The following DLG2 variants were observed in gnomAD, a reference collection of about 807,000 sequenced individuals.
The protein encoded by DLG2 is disks large homolog 2.
A neutral mutation model predicts 132.5 loss-of-function variants in DLG2; 45 were observed. The ratio of observed to expected loss-of-function variants is 0.34; its 90% CI spans 0.27 to 0.44. The LOEUF (loss-of-function observed/expected upper bound fraction) is 0.44, where lower values mean the gene tolerates loss of function less well. Ranked by LOEUF, DLG2 falls within the 20% of genes least tolerant of loss-of-function variation. The pLI is 1.00. For synonymous variants in DLG2, 424 were observed against 419.6 expected (o/e 1.01, Z -0.13); for missense variants, 1,045 against 1,196.9 (o/e 0.87, Z 1.87).
In DLG2 at chr11:84,121,356, T is replaced by C. The variant is rs533388608; in HGVS notation, c.625-22309A>G. On this transcript the variant is annotated intron_variant, in intron 9 of 27. Transcript: ENST00000376104. The stretch of plus-strand genomic sequence containing the variant: ...TCTGGTATATAGCAGGTACTCTATG[T>C]TTATTACAGAACTAATGAATGCATC... Among the ~76,000 whole-genome samples, 152 of 152,260 alleles carry C rather than the reference T, an allele frequency of 1.0e-3. 2 individuals are homozygous for C. The highest frequency in any genetic ancestry group is 3.1e-3 in the Admixed American group (47 of 15,280).
At chr11:84,721,589 C>G (rs1226858627) in intron 6 of DLG2, among the ~76,000 whole-genome samples, 1 of 149,950 alleles carries the variant, frequency 6.7e-6, no homozygotes, top group Admixed American at 6.6e-5. Flanking sequence ...GGCACAGCTG[C>G]AAAATTGCTT....
chr11:85,453,308 T>A (rs2092313879), intron 3 of DLG2: 1 of 270,476 alleles, frequency 3.7e-6, no homozygotes, highest in Non-Finnish European at 7.5e-6. Flanking sequence ...GAGCTAAACT[T>A]TGGCTTCATA....
At chr11:84,679,171 A>T (rs1204659195) in intron 6 of DLG2, among the ~76,000 whole-genome samples, 1 of 152,068 alleles carries the variant, frequency 6.6e-6, no homozygotes, top group Non-Finnish European at 1.5e-5. Flanking sequence ...GACAAAAAAA[A>T]CAATGTGGCT....
chr11:85,571,979 G>C (rs2077868760), intron 3 of DLG2, among the ~76,000 whole-genome samples: 1 of 152,110 alleles, frequency 6.6e-6, no homozygotes. Flanking sequence ...GGGTAATGCT[G>C]ATCTGGGAAA....
intron 10 of DLG2, among the ~76,000 whole-genome samples, chr11:84,069,643 C>T (rs1205166890): frequency 2.0e-5 from 3 of 152,144 alleles, no homozygotes; most frequent in African/African-American, 7.2e-5. Flanking sequence ...ACTGTTTTTC[C>T]CCTCTATTTG....
At position 85,103,976 on chromosome 11, in the gene DLG2, CA is replaced by C. The variant is rs1286948395; in HGVS notation, c.357+7684del. On this transcript the variant is annotated intron_variant, in intron 6 of 27. Coordinates refer to ENST00000376104, the MANE Select transcript of DLG2 (RefSeq NM_001142699.3). ...ATGAAAACACGGTCACATCACTAAT[CA>C]ATAGATAATTCAAAATCAAAACCAA... 5.1e-4 allele frequency among the ~76,000 whole-genome samples: 78 copies of C among 151,940 alleles called. 2 individuals carry two copies. Among genetic ancestry groups the C allele is most frequent in the African/African-American group, 1.9e-3 (78 of 41,520 alleles).
chr11:84,210,818 T>A (rs187680990), intron 8 of DLG2, among the ~76,000 whole-genome samples: 4 of 152,274 alleles, frequency 2.6e-5, no homozygotes, highest in Non-Finnish European at 5.9e-5. Context: ...GAAATCAGGA[T>A]ACTGGTTGAT....
intron 6 of DLG2, among the ~76,000 whole-genome samples, chr11:84,671,826 T>G (rs1256149433): frequency 6.6e-6 from 1 of 152,136 alleles, no homozygotes; most frequent in Non-Finnish European, 1.5e-5. Flanking sequence ...GGGAACTAAG[T>G]AAAGGACAGC....
intron 18 of DLG2, among the ~76,000 whole-genome samples, chr11:83,721,868 C>T (rs1316830265): frequency 6.6e-6 from 1 of 152,076 alleles, no homozygotes; most frequent in Admixed American, 6.5e-5. Context: ...GAATATGATA[C>T]TGGCAAAAAA....
chr11:83,644,885 T>C (rs868682988), intron 18 of DLG2, among the ~76,000 whole-genome samples: 15 of 152,270 alleles, frequency 9.9e-5, no homozygotes, highest in Non-Finnish European at 1.6e-4. Context: ...ATTCATTGCA[T>C]AGTACCATTT....
At chr11:84,731,076 T>A (rs2063095850) in intron 6 of DLG2, among the ~76,000 whole-genome samples, 1 of 152,008 alleles carries the variant, frequency 6.6e-6, no homozygotes, top group Non-Finnish European at 1.5e-5. Context: ...TTTGGTACAG[T>A]GTGTGAGTTA....
At chr11:84,231,383 C>T (rs1409636010) in intron 8 of DLG2, among the ~76,000 whole-genome samples, 1 of 152,160 alleles carries the variant, frequency 6.6e-6, no homozygotes, top group Non-Finnish European at 1.5e-5. Context: ...TTTTGTCACT[C>T]TTACTTTGGG....
At chr11:84,848,443 G>A (rs1459738510) in intron 6 of DLG2, among the ~76,000 whole-genome samples, 3 of 152,036 alleles carry the variant, frequency 2.0e-5, no homozygotes, top group African/African-American at 4.8e-5. Context: ...GCAGTGAGCC[G>A]AGATTGCACC....
At chr11:84,945,515 C>G (rs1287031342) in intron 6 of DLG2, among the ~76,000 whole-genome samples, 1 of 152,222 alleles carries the variant, frequency 6.6e-6, no homozygotes, top group Non-Finnish European at 1.5e-5. Flanking sequence ...AGACCTGAAG[C>G]CAGCATGGCA....
At chr11:85,196,689 A>T (rs560976079) in intron 4 of DLG2, among the ~76,000 whole-genome samples, 2 of 152,248 alleles carry the variant, frequency 1.3e-5, no homozygotes. Context: ...TTTACTTATT[A>T]GAATTCAGGA....
intron 6 of DLG2, among the ~76,000 whole-genome samples, chr11:84,634,882 T>G (rs1285904016): frequency 2.0e-5 from 3 of 152,086 alleles, no homozygotes; most frequent in Non-Finnish European, 4.4e-5. Flanking sequence ...TTTAAAAAAG[T>G]AGCACTGGAG....
chr11:85,209,967 T>C (rs896190746), intron 4 of DLG2, among the ~76,000 whole-genome samples: 1 of 152,100 alleles, frequency 6.6e-6, no homozygotes, highest in Non-Finnish European at 1.5e-5. Flanking sequence ...CTGCCTAGTT[T>C]GAGCTCTCAC....
At chr11:83,933,607 T>C (rs2080829510) in intron 14 of DLG2, among the ~76,000 whole-genome samples, 1 of 152,250 alleles carries the variant, frequency 6.6e-6, no homozygotes, top group South Asian at 2.1e-4. Context: ...TTCCTTGTCA[T>C]TTTTAATTGC....
chr11:85,216,095 T>C (rs1359126285), intron 4 of DLG2, among the ~76,000 whole-genome samples: 1 of 151,074 alleles, frequency 6.6e-6, no homozygotes, highest in Non-Finnish European at 1.5e-5. Context: ...GGAGAGAGGA[T>C]CCCTGAATGC....
Sources: gnomAD v4.1 joint callset for allele counts (sites outside exome capture counted in the v4.1 genomes callset) on GRCh38, gnomAD v4.1.1 for gene constraint, MANE v1.5 for transcripts, NCBI Gene and HGNC (gene_info 2026-07-23, HGNC 2026-07-21) for gene names.